The following GRM7 variants were observed in gnomAD, a reference collection of about 807,000 sequenced individuals.
GRM7 encodes metabotropic glutamate receptor 7.
A neutral mutation model predicts 84.5 loss-of-function variants in GRM7; 35 were observed. The ratio of observed to expected loss-of-function variants is 0.41; its 90% confidence interval spans 0.32 to 0.55. The LOEUF (loss-of-function observed/expected upper bound fraction) is 0.55, where lower values mean the gene tolerates loss of function less well. Among genes scored for constraint, GRM7 ranks in the 20% least tolerant of loss-of-function variants. GRM7 has a pLI of 0.19. For synonymous variants in GRM7, 487 were observed against 455.1 expected (o/e 1.07, Z -0.89); for missense variants, 1,003 against 1,194.6 (o/e 0.84, Z 2.36).
intron 1 of GRM7, among the ~76,000 whole-genome samples, chr3:6,985,847 T>C (rs1694389139): frequency 6.6e-6 from 1 of 152,196 alleles, no homozygotes; most frequent in South Asian, 2.1e-4. Flanking sequence ...GTATTAATAC[T>C]TGTCTAAAAT....
chr3:7,579,177 T>G lies in GRM7; in HGVS notation c.2271T>G (p.Ile757Met), dbSNP rs1291491993. The part of the protein sequence containing the change: ...LKCDITDLQI[I>M]CSLGYSILLM... ...GTGACATTACAGATCTCCAAATCAT[T>G]TGCTCCTTGGGATATAGCATTCTTC... is the stretch of plus-strand genomic sequence containing the variant. The change falls in exon 8 of 10, where the codon ATT (isoleucine) becomes ATG (methionine). Residue 757 changes from isoleucine to methionine, a missense_variant. Ile to Met is a conservative substitution (Grantham distance 10, BLOSUM62 1). Coordinates refer to ENST00000357716, the MANE Select transcript of GRM7 (RefSeq NM_000844.4). 1 of 1,613,852 alleles carries G rather than the reference T, an allele frequency of 6.2e-7. No homozygotes were observed. The highest frequency in any genetic ancestry group is 1.3e-5 in the African/African-American group (1 of 74,890).
chr3:7,717,564 G>A (rs987877239), intron 9 of GRM7, among the ~76,000 whole-genome samples: 5 of 152,124 alleles, frequency 3.3e-5, no homozygotes, highest in Admixed American at 1.3e-4. Context: ...CCAGCTAAAC[G>A]GAAACCTGGA....
At chr3:6,963,850 T>C (rs1693396911) in intron 1 of GRM7, among the ~76,000 whole-genome samples, 1 of 152,146 alleles carries the variant, frequency 6.6e-6, no homozygotes, top group Non-Finnish European at 1.5e-5. Context: ...TATATGCTTA[T>C]TTTTTTCGTC....
At chr3:7,535,839 C>T (rs1339377500) in intron 7 of GRM7, among the ~76,000 whole-genome samples, 1 of 152,186 alleles carries the variant, frequency 6.6e-6, no homozygotes, top group Non-Finnish European at 1.5e-5. Context: ...TCAAACCATG[C>T]ACCTTGGCAG....
intron 4 of GRM7, among the ~76,000 whole-genome samples, chr3:7,364,197 GTA>G (rs544926102): frequency 6.6e-6 from 1 of 151,632 alleles, no homozygotes; most frequent in Non-Finnish European, 1.5e-5. Context: ...CTTGTTAGAT[GTA>G]TATATATATC....
intron 4 of GRM7, among the ~76,000 whole-genome samples, chr3:7,386,967 G>A (rs374833252): frequency 1.3e-5 from 2 of 152,190 alleles, no homozygotes; most frequent in African/African-American, 4.8e-5. Context: ...CATTCTGATG[G>A]GTGTGAGATT....
intron 7 of GRM7, among the ~76,000 whole-genome samples, chr3:7,518,638 C>T (rs1203955173): frequency 1.3e-5 from 2 of 152,206 alleles, no homozygotes; most frequent in African/African-American, 4.8e-5. Context: ...GCTGCCAGCT[C>T]TTGTTCCCTG....
intron 5 of GRM7, among the ~76,000 whole-genome samples, chr3:7,419,214 G>T (rs1224552651): frequency 3.9e-5 from 6 of 152,132 alleles, no homozygotes; most frequent in Admixed American, 3.3e-4. Context: ...GTATCAAAGA[G>T]TTTGCAGACA....
intron 2 of GRM7, among the ~76,000 whole-genome samples, chr3:7,245,558 G>T (rs1056078870): frequency 3.3e-5 from 5 of 151,960 alleles, no homozygotes; most frequent in Admixed American, 2.6e-4. Context: ...TAAAATCATC[G>T]ATCTAGAGTT....
chr3:7,390,621 A>G (rs975242684), intron 4 of GRM7, among the ~76,000 whole-genome samples: 7 of 151,986 alleles, frequency 4.6e-5, no homozygotes, highest in African/African-American at 1.7e-4. Context: ...CTCTAAAATT[A>G]TTTCTTCTGT....
chr3:7,408,338 A>T (rs533320563), intron 4 of GRM7, among the ~76,000 whole-genome samples: 1 of 152,216 alleles, frequency 6.6e-6, no homozygotes, highest in East Asian at 1.9e-4. Context: ...GTGCAATAAC[A>T]TTGCAGACAT....
chr3:7,696,241 G>T (rs566328700), intron 9 of GRM7, among the ~76,000 whole-genome samples: 1 of 152,114 alleles, frequency 6.6e-6, no homozygotes, highest in Non-Finnish European at 1.5e-5. Flanking sequence ...TAGAGTGTAC[G>T]ACATATATTG....
At chr3:7,071,096 A>T (rs1332934672) in intron 1 of GRM7, among the ~76,000 whole-genome samples, 1 of 152,076 alleles carries the variant, frequency 6.6e-6, no homozygotes, top group East Asian at 1.9e-4. Context: ...TGAGGTGAAC[A>T]AAACTCCTTT....
chr3:7,052,693 G>A (rs1183184745), intron 1 of GRM7, among the ~76,000 whole-genome samples: 3 of 131,674 alleles, frequency 2.3e-5, no homozygotes, highest in Non-Finnish European at 4.7e-5. Flanking sequence ...CTCTTGATAT[G>A]TATGCATGTT....
chr3:7,218,766 T>A (rs1414431109), intron 2 of GRM7, among the ~76,000 whole-genome samples: 1 of 152,024 alleles, frequency 6.6e-6, no homozygotes, highest in Non-Finnish European at 1.5e-5. Context: ...ATCAATTTAT[T>A]AGCTTTATTT....
chr3:7,449,205 A>G (rs1197371169), intron 5 of GRM7, among the ~76,000 whole-genome samples: 1 of 152,100 alleles, frequency 6.6e-6, no homozygotes, highest in African/African-American at 2.4e-5. Flanking sequence ...TACCAGTAAA[A>G]TGATTCATGA....
rs190453656 is a variant in GRM7 at position 6,968,958 on chromosome 3, T to G, written c.519+107051T>G. ...TTTGTGTGTAAAATCTACCAAAAAT[T>G]GAATGTTGACAACTAATTTCATTCC... is the stretch of plus-strand genomic sequence containing the variant. On this transcript the variant is annotated intron_variant, in intron 1 of 9. Coordinates refer to ENST00000357716, the MANE Select transcript of GRM7 (RefSeq NM_000844.4). 5.3e-5 allele frequency among the ~76,000 whole-genome samples: 8 copies of G among 152,286 alleles called. No homozygotes were observed. The East Asian group carries it at 1.5e-3, about 29-fold the overall frequency.
chr3:7,656,382 G>A (rs949428413), intron 8 of GRM7, among the ~76,000 whole-genome samples: 1 of 151,960 alleles, frequency 6.6e-6, no homozygotes, highest in Non-Finnish European at 1.5e-5. Flanking sequence ...TGTAGTCCCA[G>A]CTACTTGGGA....
chr3:7,520,001 C>G (rs1700535948), intron 7 of GRM7: 1 of 152,174 alleles, frequency 6.6e-6, no homozygotes, highest in Non-Finnish European at 1.5e-5. Flanking sequence ...GTTGCTGTTG[C>G]TCAGGGCACA....
Sources: allele counts gnomAD v4.1 joint callset (sites outside exome capture counted in the v4.1 genomes callset), GRCh38; gene constraint gnomAD v4.1.1; transcripts MANE v1.5; gene names NCBI Gene and HGNC (gene_info 2026-07-23, HGNC 2026-07-21).